Variants in RBFOX1 observed in about 807,000 individuals in gnomAD.
RBFOX1 encodes the protein RNA binding fox-1 homolog 1, also known as RNA binding protein fox-1 homolog 1.
Under a neutral mutation model 57.7 loss-of-function variants are expected in RBFOX1, and 8 were observed. The observed-to-expected ratio is 0.14, with a 90% CI of 0.08 to 0.25. The LOEUF (loss-of-function observed/expected upper bound fraction) is 0.25, where lower values mean the gene tolerates loss of function less well. RBFOX1 is among the 10% of genes least tolerant of loss of function. The pLI is 1.00. For missense variants in RBFOX1, 611 were observed against 548.5 expected (o/e 1.11, Z -1.14); for synonymous variants, 326 against 222.4 (o/e 1.47, Z -4.15).
rs186509781 is a variant in RBFOX1 at position 7,507,255 on chromosome 16, C to G, written c.28-10892C>G. Among the ~76,000 whole-genome samples, 17 of 152,298 alleles carry G rather than the reference C, an allele frequency of 1.1e-4. No individual in the cohort carries two copies. The South Asian group carries it at 3.3e-3, about 30-fold the overall frequency. ...ACCCCAATTCATAAAAGATTTTACA[C>G]TCTGAACCCATTCCTCCACATAAAG... On this transcript the variant is annotated intron_variant, in intron 4 of 15. Coordinates refer to ENST00000550418, the MANE Select transcript of RBFOX1 (RefSeq NM_018723.4).
intron 1 of RBFOX1, among the ~76,000 whole-genome samples, chr16:6,199,088 TA>T (rs1177059479): frequency 6.6e-6 from 1 of 152,120 alleles, no homozygotes; most frequent in Non-Finnish European, 1.5e-5. Flanking sequence ...CAAAAGTTTC[TA>T]TGCTCCGTTC....
chr16:5,341,022 C>A (rs974685862), intron 1 of RBFOX1, among the ~76,000 whole-genome samples: 1 of 152,080 alleles, frequency 6.6e-6, no homozygotes, highest in Non-Finnish European at 1.5e-5. Context: ...AACCCAGATA[C>A]CTGTGGATGC....
At chr16:7,036,215 T>TC (rs1316919926) in intron 3 of RBFOX1, among the ~76,000 whole-genome samples, 1 of 150,860 alleles carries the variant, frequency 6.6e-6, no homozygotes, top group Non-Finnish European at 1.5e-5. Flanking sequence ...TTTTTTTTTT[T>TC]CCATGACAGC....
intron 5 of RBFOX1, among the ~76,000 whole-genome samples, chr16:7,576,099 T>C (rs113948681): frequency 6.5e-4 from 45 of 68,790 alleles, no homozygotes; most frequent in Middle Eastern, 8.1e-3. Context: ...ATCAGCTATT[T>C]TTTTTTTTTT....
At chr16:5,635,160 T>A (rs762100837) in intron 3 of RBFOX1, among the ~76,000 whole-genome samples, 40 of 152,260 alleles carry the variant, frequency 2.6e-4, no homozygotes, top group Non-Finnish European at 4.8e-4. Context: ...ACTTTTGACT[T>A]TTCTGCATAG....
Position 7,519,772 on chromosome 16 carries a change from G to C in RBFOX1, c.270+1383G>C, listed in dbSNP as rs2077124908. On this transcript the variant is annotated intron_variant, in intron 5 of 15. Transcript: ENST00000550418. ...CCTCAGGAAAGCAAGTATTTGTGAA[G>C]GAGTTTATGGCTTTGAAGCATGATA... 7.4e-6 allele frequency: 7 copies of C among 949,530 alleles called. No homozygotes were observed. The South Asian group carries it at 2.9e-4, about 39-fold the overall frequency. The allele number at this position is 949,530 out of a possible 1,614,324, so 58.8% of individuals were successfully genotyped here.
chr16:6,228,231 G>C (rs1278396169), intron 1 of RBFOX1, among the ~76,000 whole-genome samples: 1 of 152,120 alleles, frequency 6.6e-6, no homozygotes, highest in Non-Finnish European at 1.5e-5. Flanking sequence ...GCTTAGGTGG[G>C]AGAATCGCTT....
intron 1 of RBFOX1, among the ~76,000 whole-genome samples, chr16:6,053,494 T>C (rs994283756): frequency 6.6e-6 from 1 of 151,968 alleles, no homozygotes; most frequent in Non-Finnish European, 1.5e-5. Flanking sequence ...ACAAAGAAAA[T>C]CATTTAGTTG....
intron 1 of RBFOX1, among the ~76,000 whole-genome samples, chr16:6,193,392 C>CATTA (rs1555545384): frequency 4.6e-5 from 2 of 43,218 alleles, no homozygotes; most frequent in Non-Finnish European, 4.8e-5. Context: ...TATATATATA[C>CATTA]TATATATATA....
At chr16:7,314,656 G>C (rs2096397154) in intron 4 of RBFOX1, among the ~76,000 whole-genome samples, 1 of 152,028 alleles carries the variant, frequency 6.6e-6, no homozygotes, top group African/African-American at 2.4e-5. Context: ...CTGTGAAAAT[G>C]GGCTGACACT....
intron 4 of RBFOX1, among the ~76,000 whole-genome samples, chr16:5,871,481 TC>T (rs1328945762): frequency 2.7e-4 from 41 of 152,320 alleles, no homozygotes; most frequent in Non-Finnish European, 3.8e-4. Flanking sequence ...CTAGACTCCT[TC>T]CCCTTCAAAA....
chr16:6,214,290 G>C (rs901738985), intron 1 of RBFOX1, among the ~76,000 whole-genome samples: 2 of 151,996 alleles, frequency 1.3e-5, no homozygotes, highest in African/African-American at 4.8e-5. Context: ...AATCTCCAAG[G>C]ATGAAAGAGT....
chr16:7,692,778 A>C (rs968638420), intron 14 of RBFOX1, among the ~76,000 whole-genome samples: 23 of 152,138 alleles, frequency 1.5e-4, no homozygotes, highest in African/African-American at 5.1e-4. Flanking sequence ...GGTTTATTTC[A>C]ATTGACAAGT....
chr16:7,389,666 C>A (rs1290620179), intron 4 of RBFOX1, among the ~76,000 whole-genome samples: 1 of 152,144 alleles, frequency 6.6e-6, no homozygotes, highest in African/African-American at 2.4e-5. Context: ...CAGAGAAATT[C>A]AGAAGACAAT....
At chr16:6,881,945 T>G (rs189870579) in intron 3 of RBFOX1, among the ~76,000 whole-genome samples, 1 of 152,240 alleles carries the variant, frequency 6.6e-6, no homozygotes, top group Non-Finnish European at 1.5e-5. Flanking sequence ...ATTGACATAG[T>G]GTAAAAAGAA....
At chr16:6,414,381 C>T (rs1270769957) in intron 2 of RBFOX1, among the ~76,000 whole-genome samples, 1 of 152,138 alleles carries the variant, frequency 6.6e-6, no homozygotes, top group African/African-American at 2.4e-5. Context: ...CATGTATTTC[C>T]CGGGCACCTA....
chr16:5,686,766 T>A (rs1418319897), intron 3 of RBFOX1, among the ~76,000 whole-genome samples: 1 of 152,176 alleles, frequency 6.6e-6, no homozygotes, highest in Non-Finnish European at 1.5e-5. Context: ...TGAAAGTATT[T>A]TTTCCAGTAG....
At chr16:6,100,804 C>G (rs2096297147) in intron 1 of RBFOX1, among the ~76,000 whole-genome samples, 1 of 152,064 alleles carries the variant, frequency 6.6e-6, no homozygotes, top group Non-Finnish European at 1.5e-5. Flanking sequence ...GGATTTGAAC[C>G]CTGGGTGGCC....
In RBFOX1 at chr16:6,935,227, G is replaced by A. The variant is rs116412326; in HGVS notation, c.-15-116830G>A. ...GCTCAGAGTGTATGGTCAGAATTAG[G>A]GGAGGCAGCAGAAGTAATGTGTTTA... is the stretch of plus-strand genomic sequence containing the variant. On this transcript the variant is annotated intron_variant, in intron 3 of 15. Coordinates refer to ENST00000550418, the MANE Select transcript of RBFOX1 (RefSeq NM_018723.4). Among the ~76,000 whole-genome samples, 1,228 of 152,292 alleles carry A rather than the reference G, an allele frequency of 8.1e-3. 24 individuals are homozygous for A. The highest frequency in any genetic ancestry group is 0.029 in the African/African-American group (1,191 of 41,546).
Sources: gnomAD v4.1 joint callset for allele counts (sites outside exome capture counted in the v4.1 genomes callset) on GRCh38, gnomAD v4.1.1 for gene constraint, MANE v1.5 for transcripts, NCBI Gene and HGNC (gene_info 2026-07-23, HGNC 2026-07-21) for gene names.